VDAC3: variants seen among roughly 807,000 people sequenced by gnomAD.
VDAC3 encodes the protein voltage dependent anion channel 3, also known as non-selective voltage-gated ion channel VDAC3.
In VDAC3, 7 loss-of-function variants were observed where a neutral mutation model predicts 33.9. The observed-to-expected ratio is 0.21, with a 90% confidence interval of 0.12 to 0.39. The LOEUF is 0.39. Among genes scored for constraint, VDAC3 ranks in the 10% least tolerant of loss-of-function variants. The pLI, the probability that VDAC3 is intolerant of heterozygous loss-of-function variation, is 1.00. For missense variants in VDAC3, 261 were observed against 334.5 expected (o/e 0.78, Z 1.71); for synonymous variants, 100 against 122.4 (o/e 0.82, Z 1.21).
chr8:42,399,638 C>A lies in VDAC3; in HGVS notation c.271-13C>A. 6 of 1,604,400 alleles carry A rather than the reference C, an allele frequency of 3.7e-6. No homozygotes were observed. The highest frequency in any genetic ancestry group is 1.3e-5 in the African/African-American group (1 of 74,820). ...AAATTACTAATTATTTATTTTAAAT[C>A]TTTGTTTTTCAGTTGGCTGAAGGGT... On this transcript the variant is annotated splice_polypyrimidine_tract_variant and intron_variant, in intron 5 of 9. Coordinates refer to ENST00000022615, the MANE Select transcript of VDAC3 (RefSeq NM_005662.7).
rs1250153978 is a variant in VDAC3, at chr8:42,398,722, C to A, written c.128C>A (p.Thr43Asn). Residue 43 changes from threonine to asparagine, a missense_variant, in exon 5 of 10, where the codon ACT (threonine) becomes AAT (asparagine). Coordinates refer to ENST00000022615, the MANE Select transcript of VDAC3 (RefSeq NM_005662.7). ...TTTCTTGCTTACCAGGAATTTTCTA[C>A]TTCTGGTCATGCTTACACTGATACA... Reference protein sequence around the residue: ...TKSCSGVEFSTSGHAYTDTGK... With the variant: ...TKSCSGVEFSNSGHAYTDTGK... The A allele has an allele frequency of 6.3e-7, 1 of 1,599,246 alleles. No individual in the cohort carries two copies. Among genetic ancestry groups the A allele is most frequent in the Admixed American group, 1.8e-5 (1 of 55,238 alleles).
intron 7 of VDAC3, 174 bp from the exon 8 acceptor site, chr8:42,403,137 C>T (rs990752870): frequency 3.0e-5 from 20 of 658,720 alleles, no homozygotes; most frequent in South Asian, 2.6e-4. Flanking sequence ...TCATTACTGG[C>T]ATAGCTGGAT....
Position 42,395,120 on chromosome 8 carries a change from C to A in VDAC3, c.104C>A (p.Ser35Tyr). ...GMVKIDLKTK[S>Y]CSGVEFSTSG... ...GTCAAGATAGACCTGAAAACCAAGT[C>A]TTGTAGTGGAGTGGTGAGTATCTAA... is the stretch of plus-strand genomic sequence containing the variant. Residue 35 changes from serine to tyrosine, a missense_variant, in exon 4 of 10, where the codon TCT becomes TAT. Transcript: ENST00000022615. 1 of 1,613,898 alleles carries A rather than the reference C, an allele frequency of 6.2e-7. No individual in the cohort carries two copies. The highest frequency in any genetic ancestry group is 8.5e-7 in the Non-Finnish European group (1 of 1,179,942).
intron 1 of VDAC3, among the ~76,000 whole-genome samples, chr8:42,393,567 C>T (rs73631738): frequency 0.072 from 10,929 of 152,138 alleles, 704 homozygotes; most frequent in African/African-American, 0.16. Context: ...AATCAAGGCA[C>T]CTGAGGTTTT....
At position 42,392,181 on chromosome 8, in the gene VDAC3, A is replaced by T. The variant is rs7833181; in HGVS notation, c.-43+253A>T. On this transcript the variant is annotated intron_variant, in intron 1 of 9. Transcript: ENST00000022615. ...CCTATCCCGCCGGCGTGTGGACCGCACTTTCCTCCCAGGGGTCAGCTAGAA... is the reference window on the plus strand; with the variant it reads ...CCTATCCCGCCGGCGTGTGGACCGCTCTTTCCTCCCAGGGGTCAGCTAGAA... Among the ~76,000 whole-genome samples, 998 of 152,276 alleles carry T rather than the reference A, an allele frequency of 6.6e-3. 8 individuals are homozygous for T. Among genetic ancestry groups the T allele is most frequent in the African/African-American group, 0.023 (952 of 41,564 alleles).
In VDAC3 at chr8:42,403,301, A is replaced by G. The variant is rs780848958; in HGVS notation, c.552-10A>G. On this transcript the variant is annotated splice_polypyrimidine_tract_variant and intron_variant, in intron 7 of 9. Transcript: ENST00000022615. ...AGATATTTATGACGTTTTCTTATCT[A>G]TGAAAACAGGAACGATGGCACTGAA... The G allele has an allele frequency of 3.7e-6, 6 of 1,613,812 alleles. No individual in the cohort carries two copies. The East Asian group carries it at 8.9e-5, about 24-fold the overall frequency.
chr8:42,401,938 C>A lies in VDAC3; in HGVS notation c.474C>A (p.Asp158Glu), dbSNP rs1802422895. The A allele has an allele frequency of 6.2e-7, 1 of 1,614,098 alleles. No homozygotes were observed. Reference protein sequence around the residue: ...GWLAGYQMSFDTAKSKLSQNN... With the variant: ...GWLAGYQMSFETAKSKLSQNN... ...TTGCTGGCTATCAGATGAGTTTTGACACAGCCAAATCCAAACTGTCACAGA... is the reference window on the plus strand; with the variant it reads ...TTGCTGGCTATCAGATGAGTTTTGAAACAGCCAAATCCAAACTGTCACAGA... The change falls in exon 7 of 10, where the codon GAC becomes GAA. Residue 158 changes from aspartate (D) to glutamate (E), a missense_variant. Coordinates refer to ENST00000022615, the MANE Select transcript of VDAC3 (RefSeq NM_005662.7).
intron 4 of VDAC3, among the ~76,000 whole-genome samples, chr8:42,395,881 C>A (rs1232483369): frequency 1.3e-5 from 2 of 150,360 alleles, no homozygotes; most frequent in Non-Finnish European, 2.9e-5. Context: ...ATCTCTTGAA[C>A]CTGGGAGGTG....
At position 42,398,825 on chromosome 8, in the gene VDAC3, A is replaced by C. The variant is rs372394998; in HGVS notation, c.231A>C (p.Thr77=). Residue 77 remains threonine, a synonymous_variant, in exon 5 of 10, where the codon ACA becomes ACC. Transcript: ENST00000022615. The stretch of plus-strand genomic sequence containing the variant: ...TTACCTTCACCCAGAAATGGAACAC[A>C]GACAATACTCTAGGGACAGAAATCT... ...YGLTFTQKWN[T]DNTLGTEISW... 6.2e-7 allele frequency: 1 copy of C among 1,613,946 alleles called. No homozygotes were observed. Among genetic ancestry groups the C allele is most frequent in the Non-Finnish European group, 8.5e-7 (1 of 1,180,002 alleles).
chr8:42,403,602 G>A (rs1802452464), intron 8 of VDAC3, 141 bp downstream of exon 8: 1 of 983,880 alleles, frequency 1.0e-6, no homozygotes, highest in Non-Finnish European at 1.4e-6. Context: ...AATATAATGT[G>A]GCCAGGCTCA....
chr8:42,392,054 G>T (rs1023411357), intron 1 of VDAC3, 126 bp downstream of exon 1: 1 of 152,170 alleles, frequency 6.6e-6, no homozygotes, highest in East Asian at 1.9e-4. Flanking sequence ...ACCGGGGCGC[G>T]GGGGGCCGGG....
At chr8:42,392,465 G>A (rs1824887442) in intron 1 of VDAC3, among the ~76,000 whole-genome samples, 1 of 152,256 alleles carries the variant, frequency 6.6e-6, no homozygotes, top group East Asian at 1.9e-4. Context: ...ATTCTGTAGA[G>A]CTGGTGGAGA....
In VDAC3 at chr8:42,405,459, T is replaced by C. The variant is rs1245841204; in HGVS notation, c.849T>C (p.Ala283=). Residue 283 remains alanine (A), a synonymous_variant, in exon 10 of 10, where the codon GCT becomes GCC. Transcript: ENST00000022615. ...TTGGCTTGGGATTTGAACTGGAAGC[T>C]TAATGTGGTTTGAGGAAAGCATCAG... ...HKVGLGFELE[A] 6.2e-7 allele frequency: 1 copy of C among 1,611,668 alleles called. No homozygotes were observed. The highest frequency in any genetic ancestry group is 8.5e-7 in the Non-Finnish European group (1 of 1,179,506).
intron 5 of VDAC3, among the ~76,000 whole-genome samples, chr8:42,399,152 T>C (rs546370851): frequency 4.2e-4 from 64 of 152,300 alleles, no homozygotes; most frequent in Non-Finnish European, 6.8e-4. Flanking sequence ...GTTTTGTAAT[T>C]GTTGAAAAAT....
intron 5 of VDAC3, 40 bp downstream of exon 5, chr8:42,398,904 AT>A: frequency 6.2e-7 from 1 of 1,604,550 alleles, no homozygotes; most frequent in Non-Finnish European, 8.5e-7. Flanking sequence ...GGTTCAATTT[AT>A]CTTGTAGATT....
intron 4 of VDAC3, chr8:42,396,602 G>T: frequency 1.5e-6 from 1 of 679,608 alleles, no homozygotes; most frequent in South Asian, 1.6e-5. Flanking sequence ...TTGCTCATTA[G>T]GTTTGTGTTG....
Position 42,405,546 on chromosome 8 carries a change from G to A in VDAC3, c.*84G>A. On this transcript the variant is annotated 3_prime_UTR_variant, in exon 10 of 10. Coordinates refer to ENST00000022615, the MANE Select transcript of VDAC3 (RefSeq NM_005662.7). Reference sequence around the variant, plus strand: ...TGTTTTGGCCTTAAAATTCTTCTGTGAAATTTCAAAAGTGTGAACTTTTTA... The same window carrying A: ...TGTTTTGGCCTTAAAATTCTTCTGTAAAATTTCAAAAGTGTGAACTTTTTA... 1 of 1,197,652 alleles carries A rather than the reference G, an allele frequency of 8.3e-7. No individual in the cohort carries two copies. The highest frequency in any genetic ancestry group is 1.2e-6 in the Non-Finnish European group (1 of 824,516). 74.2% of individuals were successfully genotyped at this position (1,197,652 alleles called of 1,614,324 possible).
intron 8 of VDAC3, among the ~76,000 whole-genome samples, chr8:42,404,503 A>T (rs1030002656): frequency 7.9e-5 from 12 of 152,002 alleles, no homozygotes; most frequent in Non-Finnish European, 1.5e-4. Context: ...GCAGGGGATC[A>T]CCTGAGGTCA....
At chr8:42,395,927 C>A (rs1034505451) in intron 4 of VDAC3, among the ~76,000 whole-genome samples, 1 of 145,978 alleles carries the variant, frequency 6.9e-6, no homozygotes, top group African/African-American at 2.6e-5. Context: ...CCATTGCACT[C>A]CAGCCTGGGT....
Sources: gnomAD v4.1 joint callset for allele counts (sites outside exome capture counted in the v4.1 genomes callset) on GRCh38, gnomAD v4.1.1 for gene constraint, MANE v1.5 for transcripts, NCBI Gene and HGNC (gene_info 2026-07-23, HGNC 2026-07-21) for gene names.